NRXN3: variants seen among roughly 807,000 people sequenced by gnomAD.
The protein encoded by NRXN3 is neurexin III.
NRXN3 carries 32 observed loss-of-function variants against 137.6 expected under a neutral mutation model. The observed-to-expected ratio is 0.23, with a 90% CI of 0.18 to 0.31. The LOEUF is 0.31. NRXN3 is among the 10% of genes least tolerant of loss of function. The pLI, the probability that NRXN3 is intolerant of heterozygous loss-of-function variation, is 1.00. For missense variants in NRXN3, 1,574 were observed against 2,062.5 expected (o/e 0.76, Z 4.59); for synonymous variants, 798 against 784.5 (o/e 1.02, Z -0.29).
chr14:78,545,590 T>C (rs1329878535), intron 4 of NRXN3, among the ~76,000 whole-genome samples: 3 of 152,234 alleles, frequency 2.0e-5, no homozygotes, highest in Non-Finnish European at 4.4e-5. Context: ...TATATACTTA[T>C]TTTGCATCTT....
chr14:79,163,079 G>T (rs971513106), intron 15 of NRXN3, among the ~76,000 whole-genome samples: 3 of 151,848 alleles, frequency 2.0e-5, no homozygotes, highest in Non-Finnish European at 4.4e-5. Flanking sequence ...GTCTTTATGG[G>T]CTTCACTTTG....
intron 6 of NRXN3, among the ~76,000 whole-genome samples, chr14:78,680,642 A>G (rs570557619): frequency 8.5e-5 from 13 of 152,258 alleles, no homozygotes; most frequent in African/African-American, 2.6e-4. Flanking sequence ...TCTTTAACTT[A>G]TAGCAACTGA....
chr14:78,600,255 G>C (rs2097191991), intron 4 of NRXN3, among the ~76,000 whole-genome samples: 4 of 152,308 alleles, frequency 2.6e-5, no homozygotes, highest in Admixed American at 2.6e-4. Flanking sequence ...AATAGGGAAA[G>C]ATGGCTGGGA....
intron 19 of NRXN3, among the ~76,000 whole-genome samples, chr14:79,801,350 T>A (rs1283343394): frequency 6.6e-6 from 1 of 152,136 alleles, no homozygotes; most frequent in Non-Finnish European, 1.5e-5. Context: ...ATGGAAGTAA[T>A]GAATTGTCAG....
At chr14:79,732,447 T>C (rs1246816348) in intron 19 of NRXN3, among the ~76,000 whole-genome samples, 6 of 152,202 alleles carry the variant, frequency 3.9e-5, no homozygotes, top group African/African-American at 9.7e-5. Flanking sequence ...GCCTCAATTG[T>C]GCCTCTCAGG....
chr14:78,943,834 G>A (rs2099360023), intron 10 of NRXN3, among the ~76,000 whole-genome samples: 1 of 151,462 alleles, frequency 6.6e-6, no homozygotes, highest in Non-Finnish European at 1.5e-5. Context: ...GCATCTGAGT[G>A]TGTAGATGCA....
intron 15 of NRXN3, among the ~76,000 whole-genome samples, chr14:79,048,929 A>G (rs945688574): frequency 6.8e-6 from 1 of 147,096 alleles, no homozygotes; most frequent in South Asian, 2.2e-4. Flanking sequence ...AGGCTGAGGC[A>G]GGAGAATGGC....
At chr14:79,794,984 T>A (rs184503320) in intron 19 of NRXN3, among the ~76,000 whole-genome samples, 1 of 152,160 alleles carries the variant, frequency 6.6e-6, no homozygotes, top group African/African-American at 2.4e-5. Flanking sequence ...AATTTCAAGA[T>A]GGTAAGAGCA....
At chr14:79,040,186 C>T (rs896487903) in intron 15 of NRXN3, among the ~76,000 whole-genome samples, 2 of 152,174 alleles carry the variant, frequency 1.3e-5, no homozygotes, top group South Asian at 2.1e-4. Flanking sequence ...TCTCCTCCAA[C>T]CAAAAGTAAA....
intron 19 of NRXN3, among the ~76,000 whole-genome samples, chr14:79,793,650 G>GA (rs768230536): frequency 1.4e-4 from 21 of 151,612 alleles, no homozygotes; most frequent in South Asian, 4.2e-4. Flanking sequence ...CAAAAATCCA[G>GA]AAAAAAAAGT....
rs1567433969 is a variant in NRXN3 at position 78,827,270 on chromosome 14, C to CA, written c.2275+16926_2275+16927insA. ...AATCCTTTGGGCTAACTGAGAGGAC[C>CA]GAAAAAAAAAAAAAATACAAAAGAA... is the stretch of plus-strand genomic sequence containing the variant. On this transcript the variant is annotated intron_variant, in intron 10 of 20. Coordinates refer to ENST00000335750, the MANE Select transcript of NRXN3 (RefSeq NM_001330195.2). 0.017 allele frequency among the ~76,000 whole-genome samples: 873 copies of CA among 51,610 alleles called. 62 individuals carry two copies. In the East Asian group the frequency reaches 0.39, roughly 23 times the overall value. 33.9% of individuals were successfully genotyped at this position (51,610 alleles called of 152,430 possible). A position where few individuals can be genotyped will look rare whatever the true frequency, so the allele number is the denominator to read the frequency against.
chr14:79,347,865 C>T (rs2092977256), intron 15 of NRXN3, among the ~76,000 whole-genome samples: 1 of 152,146 alleles, frequency 6.6e-6, no homozygotes, highest in African/African-American at 2.4e-5. Flanking sequence ...ATTCTTGGCC[C>T]TTTTCTCCTA....
At chr14:79,042,902 T>G (rs1372900117) in intron 15 of NRXN3, among the ~76,000 whole-genome samples, 1 of 152,150 alleles carries the variant, frequency 6.6e-6, no homozygotes, top group Non-Finnish European at 1.5e-5. Flanking sequence ...TTTTTTTTTT[T>G]TGGTAAGATT....
At chr14:78,597,150 T>A (rs1046855310) in intron 4 of NRXN3, among the ~76,000 whole-genome samples, 1 of 152,190 alleles carries the variant, frequency 6.6e-6, no homozygotes, top group Admixed American at 6.5e-5. Flanking sequence ...TGGAGAAGAC[T>A]GTGTCGGGGA....
intron 8 of NRXN3, among the ~76,000 whole-genome samples, chr14:78,743,285 C>G (rs1291013180): frequency 6.6e-6 from 1 of 152,134 alleles, no homozygotes; most frequent in Non-Finnish European, 1.5e-5. Context: ...TCTTTATGCT[C>G]TATTTGGTGT....
chr14:78,923,672 A>G (rs1020793031), intron 10 of NRXN3, among the ~76,000 whole-genome samples: 23 of 152,020 alleles, frequency 1.5e-4, no homozygotes, highest in Admixed American at 9.8e-4. Context: ...TTGCTTTGCT[A>G]TGTTTCCTTC....
At chr14:79,836,802 A>C (rs1368438811) in intron 20 of NRXN3, among the ~76,000 whole-genome samples, 1 of 152,056 alleles carries the variant, frequency 6.6e-6, no homozygotes, top group Admixed American at 6.6e-5. Flanking sequence ...TTTACATAGC[A>C]CCCACACACA....
At chr14:79,342,830 C>G (rs1029928688) in intron 15 of NRXN3, among the ~76,000 whole-genome samples, 1 of 152,132 alleles carries the variant, frequency 6.6e-6, no homozygotes. Context: ...TTTATCAAGA[C>G]AGGGGAATTG....
At chr14:78,901,937 G>A (rs868642691) in intron 10 of NRXN3, among the ~76,000 whole-genome samples, 2 of 152,056 alleles carry the variant, frequency 1.3e-5, no homozygotes, top group Non-Finnish European at 1.5e-5. Flanking sequence ...GGCAGGCTGA[G>A]CCAGCAATCC....
Sources: gnomAD v4.1 joint callset for allele counts (sites outside exome capture counted in the v4.1 genomes callset) on GRCh38, gnomAD v4.1.1 for gene constraint, MANE v1.5 for transcripts, NCBI Gene and HGNC (gene_info 2026-07-23, HGNC 2026-07-21) for gene names.